STK33: variants seen among roughly 807,000 people sequenced by gnomAD.
STK33 encodes serine/threonine kinase 33.
In STK33, 52 loss-of-function variants were observed where a neutral mutation model predicts 58.0. The ratio of observed to expected loss-of-function variants is 0.90; its 90% CI spans 0.72 to 1.13. STK33 has a LOEUF of 1.13. Ranked by LOEUF, STK33 falls within the 50% of genes most tolerant of loss-of-function variation. STK33 has a pLI of 0.00. For missense variants in STK33, 630 were observed against 604.2 expected (o/e 1.04, Z -0.45); for synonymous variants, 215 against 200.1 (o/e 1.07, Z -0.63).
the STK33 span, among the ~76,000 whole-genome samples, chr11:8,362,798 T>TC: frequency 3.9e-5 from 6 of 152,098 alleles, no homozygotes; most frequent in African/African-American, 2.4e-5. Flanking sequence ...CTCCTTTTTT[T>TC]CCCATCCATT....
rs143901488 is a variant in STK33 at position 8,429,390 on chromosome 11, A to G, written c.1146+6104T>C. Among the ~76,000 whole-genome samples, 23 of 152,310 alleles carry G rather than the reference A, an allele frequency of 1.5e-4. No homozygotes were observed. In the South Asian group the frequency reaches 3.7e-3, roughly 25 times the overall value. On this transcript the variant is annotated intron_variant, in intron 14 of 15. Coordinates refer to ENST00000687296, the MANE Select transcript of STK33 (RefSeq NM_001352389.2). ...CCAAAAACACTTCATTCTTGTTCCAATCTACAAAACCAGCACTTCTAGACT... is the reference window on the plus strand; with the variant it reads ...CCAAAAACACTTCATTCTTGTTCCAGTCTACAAAACCAGCACTTCTAGACT...
intron 1 of STK33, among the ~76,000 whole-genome samples, chr11:8,520,226 G>C (rs1334296059): frequency 3.9e-5 from 6 of 151,908 alleles, no homozygotes; most frequent in African/African-American, 1.2e-4. Context: ...CATATAAACA[G>C]AGCCAAAGAC....
chr11:8,499,885 A>G (rs993541633), intron 1 of STK33, among the ~76,000 whole-genome samples: 11 of 152,106 alleles, frequency 7.2e-5, no homozygotes, highest in African/African-American at 2.7e-4. Flanking sequence ...ACACATGGAC[A>G]CAGGGAGGGG....
At chr11:8,453,079 G>A (rs989640044) in intron 10 of STK33, among the ~76,000 whole-genome samples, 173 bp from the exon 11 acceptor site, 3 of 152,178 alleles carry the variant, frequency 2.0e-5, no homozygotes, top group African/African-American at 7.2e-5. Flanking sequence ...CCACCTCTCT[G>A]TATAGAGGAG....
chr11:8,342,815 C>T, the STK33 span, among the ~76,000 whole-genome samples: 5 of 152,146 alleles, frequency 3.3e-5, no homozygotes, highest in Admixed American at 6.5e-5. Flanking sequence ...AATATCATTA[C>T]GGTTATTATT....
At chr11:8,430,866 ATTTTT>A (rs11423343) in intron 14 of STK33, among the ~76,000 whole-genome samples, 1 of 133,830 alleles carries the variant, frequency 7.5e-6, no homozygotes, top group Admixed American at 7.7e-5. Context: ...CCTTAACATA[ATTTTT>A]TTTTTTTTTT....
At chr11:8,483,537 G>T (rs767584539) in intron 1 of STK33, among the ~76,000 whole-genome samples, 5 of 152,120 alleles carry the variant, frequency 3.3e-5, no homozygotes, top group Admixed American at 6.5e-5. Context: ...TTCCAAAACT[G>T]ACCCTAATCA....
rs761132241 is a variant in STK33 at position 8,435,555 on chromosome 11, A to G, written c.1085T>C (p.Met362Thr). 2.7e-6 allele frequency: 4 copies of G among 1,506,204 alleles called. No individual in the cohort carries two copies. Among genetic ancestry groups the G allele is most frequent in the East Asian group, 2.3e-5 (1 of 42,704 alleles). 93.3% of individuals were successfully genotyped at this position (1,506,204 alleles called of 1,614,324 possible). Reference protein sequence around the residue: ...DCAKSVLKQLMKVDPAHRITA... With the variant: ...DCAKSVLKQLTKVDPAHRITA... ...GATTCTGTGAGCAGGATCTACTTTC[A>G]TAAGTTGTTTCAAAACACTTTTAGC... Residue 362 changes from methionine (M) to threonine (T), a missense_variant, in exon 14 of 16, where the codon ATG (methionine) becomes ACG (threonine). Coordinates refer to ENST00000687296, the MANE Select transcript of STK33 (RefSeq NM_001352389.2).
intron 1 of STK33, among the ~76,000 whole-genome samples, chr11:8,503,440 G>A (rs770523352): frequency 6.6e-6 from 1 of 152,102 alleles, no homozygotes; most frequent in Non-Finnish European, 1.5e-5. Flanking sequence ...CACAAAGAAG[G>A]GAACAATAGA....
intron 1 of STK33, among the ~76,000 whole-genome samples, chr11:8,556,227 G>A (rs980056443): frequency 2.6e-5 from 4 of 152,120 alleles, no homozygotes; most frequent in African/African-American, 9.7e-5. Flanking sequence ...TTGGGGAGCT[G>A]GTAAAGATTT....
At chr11:8,499,124 C>T (rs772119381) in intron 1 of STK33, among the ~76,000 whole-genome samples, 1 of 152,170 alleles carries the variant, frequency 6.6e-6, no homozygotes, top group Non-Finnish European at 1.5e-5. Context: ...GCAAAAGAAA[C>T]TATCCTCAGA....
intron 1 of STK33, among the ~76,000 whole-genome samples, chr11:8,504,304 T>C (rs571185276): frequency 2.6e-5 from 4 of 152,346 alleles, no homozygotes; most frequent in South Asian, 2.1e-4. Context: ...TGTGGGAATA[T>C]GTAAGCTTTG....
At chr11:8,373,826 C>A in the STK33 span, among the ~76,000 whole-genome samples, 2 of 152,172 alleles carry the variant, frequency 1.3e-5, no homozygotes, top group Non-Finnish European at 2.9e-5. Context: ...TCCCTGGAAC[C>A]CGTGCCTTTG....
intron 1 of STK33, among the ~76,000 whole-genome samples, chr11:8,486,294 T>G (rs1157352572): frequency 6.6e-6 from 1 of 152,190 alleles, no homozygotes; most frequent in Non-Finnish European, 1.5e-5. Flanking sequence ...TCAGCTTACT[T>G]CTTCAGGCTT....
At chr11:8,364,321 C>G in the STK33 span, among the ~76,000 whole-genome samples, 4 of 152,210 alleles carry the variant, frequency 2.6e-5, no homozygotes, top group East Asian at 7.7e-4. Context: ...TTGCAATTTC[C>G]TCTTTGTTAA....
At position 8,413,630 on chromosome 11, in the gene STK33, AT is replaced by A. The variant is rs1278114615; in HGVS notation, c.1208del (p.Asn403IlefsTer23). 6.2e-7 allele frequency: 1 copy of A among 1,613,894 alleles called. No homozygotes were observed. Among genetic ancestry groups the A allele is most frequent in the Non-Finnish European group, 8.5e-7 (1 of 1,179,928 alleles). Reference sequence around the variant, plus strand: ...TGTTTTCCTCAACACTTTCTGGGTTATTTTTCCATTCCTTCATCATCTCTAA... The same window carrying A: ...TGTTTTCCTCAACACTTTCTGGGTTATTTTCCATTCCTTCATCATCTCTAA... ...NVLEMMKEWK[N>X]NPESVEENTT... On this transcript the variant is annotated frameshift_variant, in exon 15 of 16. Transcript: ENST00000687296. LOFTEE classifies it high-confidence loss of function.
chr11:8,449,866 C>G (rs192262037), intron 11 of STK33, among the ~76,000 whole-genome samples: 45 of 152,272 alleles, frequency 3.0e-4, no homozygotes, highest in African/African-American at 9.6e-4. Flanking sequence ...CATTTCACGT[C>G]AGTGAGAATG....
the STK33 span, among the ~76,000 whole-genome samples, chr11:8,368,797 C>CG: frequency 6.6e-6 from 1 of 152,218 alleles, no homozygotes; most frequent in Non-Finnish European, 1.5e-5. Context: ...GCATTTCCCC[C>CG]GGGGAGGGCC....
intron 1 of STK33, among the ~76,000 whole-genome samples, chr11:8,571,247 G>A (rs970816825): frequency 1.3e-5 from 2 of 152,182 alleles, no homozygotes; most frequent in African/African-American, 4.8e-5. Flanking sequence ...CATATGTGAG[G>A]CCAAAACTAC....
Sources: allele counts gnomAD v4.1 joint callset (sites outside exome capture counted in the v4.1 genomes callset), GRCh38; gene constraint gnomAD v4.1.1; transcripts MANE v1.5; gene names NCBI Gene and HGNC (gene_info 2026-07-23, HGNC 2026-07-21).